The following KCNB2 variants were observed in gnomAD, a reference collection of about 807,000 sequenced individuals.
KCNB2 encodes the protein potassium voltage-gated channel subfamily B member 2.
Under a neutral mutation model 61.5 loss-of-function variants are expected in KCNB2, and 15 were observed. That is an observed-to-expected ratio of 0.24 (90% CI 0.16 to 0.38). KCNB2 has a LOEUF of 0.38. Ranked by LOEUF, KCNB2 falls within the 10% of genes least tolerant of loss-of-function variation. The pLI is 1.00. For missense variants in KCNB2, 828 were observed against 1,125.2 expected (o/e 0.74, Z 3.78); for synonymous variants, 457 against 446.0 (o/e 1.02, Z -0.31).
intron 2 of KCNB2, among the ~76,000 whole-genome samples, chr8:72,909,006 G>A (rs1304691811): frequency 6.6e-6 from 1 of 152,198 alleles, no homozygotes; most frequent in African/African-American, 2.4e-5. Flanking sequence ...AATTCCAGGT[G>A]TAGTCAGACA....
chr8:72,561,746 T>TAC lies in KCNB2; in HGVS notation c.-93-5896_-93-5895insAC, dbSNP rs1491561524. ...ATATATATCTATATCTATATATATA[T>TAC]GTATATATATATATGGATATATATA... is the stretch of plus-strand genomic sequence containing the variant. On this transcript the variant is annotated intron_variant, in intron 1 of 2. Coordinates refer to ENST00000523207, the MANE Select transcript of KCNB2 (RefSeq NM_004770.3). 1.0e-3 allele frequency among the ~76,000 whole-genome samples: 38 copies of TAC among 37,266 alleles called. 3 individuals are homozygous for TAC. Among genetic ancestry groups the TAC allele is most frequent in the East Asian group, 5.2e-3 (10 of 1,918 alleles). 24.4% of individuals were successfully genotyped at this position (37,266 alleles called of 152,430 possible). A position where few individuals can be genotyped will look rare whatever the true frequency, so the allele number is the denominator to read the frequency against.
At chr8:72,614,208 T>C (rs1805582982) in intron 2 of KCNB2, among the ~76,000 whole-genome samples, 2 of 152,224 alleles carry the variant, frequency 1.3e-5, no homozygotes. Flanking sequence ...AATAGTTTTA[T>C]TAGATATTGA....
chr8:72,614,920 A>C (rs1379256864), intron 2 of KCNB2, among the ~76,000 whole-genome samples: 1 of 152,150 alleles, frequency 6.6e-6, no homozygotes, highest in Non-Finnish European at 1.5e-5. Flanking sequence ...TGAGGGACCA[A>C]AAATATCAAA....
At chr8:72,888,976 C>T (rs1283142391) in intron 2 of KCNB2, among the ~76,000 whole-genome samples, 1 of 152,166 alleles carries the variant, frequency 6.6e-6, no homozygotes, top group Non-Finnish European at 1.5e-5. Context: ...AACACTAACT[C>T]TGGGACTCGG....
intron 2 of KCNB2, among the ~76,000 whole-genome samples, chr8:72,857,179 T>G (rs969774719): frequency 2.0e-5 from 3 of 152,178 alleles, no homozygotes; most frequent in African/African-American, 4.8e-5. Flanking sequence ...TACATGAGCC[T>G]CTTGAGGGAG....
At chr8:72,726,764 A>AT (rs1417695920) in intron 2 of KCNB2, among the ~76,000 whole-genome samples, 1 of 152,056 alleles carries the variant, frequency 6.6e-6, no homozygotes, top group Non-Finnish European at 1.5e-5. Context: ...CAATTAAGAG[A>AT]TTTTTTTGTT....
In KCNB2 at chr8:72,769,075, G is replaced by A. The variant is rs1808517328; in HGVS notation, c.580-166860G>A. 2.6e-5 allele frequency among the ~76,000 whole-genome samples: 4 copies of A among 152,074 alleles called. No homozygotes were observed. In the South Asian group the frequency reaches 8.3e-4, roughly 32 times the overall value. On this transcript the variant is annotated intron_variant, in intron 2 of 2. Coordinates refer to ENST00000523207, the MANE Select transcript of KCNB2 (RefSeq NM_004770.3). ...CTCGGGAGGCTGAGGCAGGAGAATTGCTTGAACCCAGGAGGCGGAGGTTGC... is the reference window on the plus strand; with the variant it reads ...CTCGGGAGGCTGAGGCAGGAGAATTACTTGAACCCAGGAGGCGGAGGTTGC...
At chr8:72,687,976 G>A (rs1177672060) in intron 2 of KCNB2, among the ~76,000 whole-genome samples, 1 of 152,156 alleles carries the variant, frequency 6.6e-6, no homozygotes, top group Non-Finnish European at 1.5e-5. Context: ...CAGAGTCTGT[G>A]AGACAAAGTG....
At chr8:72,928,219 GTCT>G (rs1287167300) in intron 2 of KCNB2, among the ~76,000 whole-genome samples, 3 of 143,320 alleles carry the variant, frequency 2.1e-5, no homozygotes, top group South Asian at 4.3e-4. Context: ...TTGAGACAGA[GTCT>G]TCTTCTGTCA....
At chr8:72,890,264 A>G (rs114546884) in intron 2 of KCNB2, among the ~76,000 whole-genome samples, 15 of 152,308 alleles carry the variant, frequency 9.8e-5, no homozygotes, top group Non-Finnish European at 2.1e-4. Flanking sequence ...TACAAAGATG[A>G]AAAGACATGC....
At chr8:72,821,929 T>C (rs914567616) in intron 2 of KCNB2, among the ~76,000 whole-genome samples, 40 of 152,252 alleles carry the variant, frequency 2.6e-4, no homozygotes, top group African/African-American at 9.4e-4. Flanking sequence ...ACACATCCAG[T>C]CAGTTACCAA....
chr8:72,586,711 G>T (rs902281806), intron 2 of KCNB2, among the ~76,000 whole-genome samples: 1 of 152,172 alleles, frequency 6.6e-6, no homozygotes, highest in Non-Finnish European at 1.5e-5. Flanking sequence ...AAAACCAGGG[G>T]CATTTTCAAC....
chr8:72,662,768 G>T (rs1261931910), intron 2 of KCNB2, among the ~76,000 whole-genome samples: 2 of 152,146 alleles, frequency 1.3e-5, no homozygotes, highest in African/African-American at 4.8e-5. Flanking sequence ...GGACAGGAGG[G>T]CTAATGGAAG....
intron 2 of KCNB2, among the ~76,000 whole-genome samples, chr8:72,896,394 A>G (rs1805989379): frequency 6.6e-6 from 1 of 152,270 alleles, no homozygotes; most frequent in East Asian, 1.9e-4. Flanking sequence ...CTATGAGCAC[A>G]GTATCTTTCA....
chr8:72,610,090 G>T (rs1051496929), intron 2 of KCNB2, among the ~76,000 whole-genome samples: 1 of 151,908 alleles, frequency 6.6e-6, no homozygotes, highest in African/African-American at 2.4e-5. Context: ...CTGACCACAG[G>T]GTTGGGATAA....
intron 2 of KCNB2, among the ~76,000 whole-genome samples, chr8:72,775,014 A>C (rs1420052237): frequency 2.6e-5 from 4 of 152,174 alleles, no homozygotes; most frequent in Admixed American, 2.6e-4. Context: ...GATGTGAGAG[A>C]GGTGTCAAGG....
intron 2 of KCNB2, among the ~76,000 whole-genome samples, chr8:72,625,005 A>G (rs1393003123): frequency 6.6e-6 from 1 of 152,226 alleles, no homozygotes; most frequent in Non-Finnish European, 1.5e-5. Flanking sequence ...ACTGAATTCC[A>G]CCAACAAAAG....
At chr8:72,623,199 G>T (rs899213423) in intron 2 of KCNB2, among the ~76,000 whole-genome samples, 1 of 152,112 alleles carries the variant, frequency 6.6e-6, no homozygotes, top group Admixed American at 6.5e-5. Context: ...GTATTGATTG[G>T]GTGAAAGTTA....
chr8:72,789,456 T>A (rs1342020738), intron 2 of KCNB2, among the ~76,000 whole-genome samples: 1 of 152,126 alleles, frequency 6.6e-6, no homozygotes, highest in Non-Finnish European at 1.5e-5. Flanking sequence ...ATGGAAGATC[T>A]AACAGAAGAC....
Sources: gnomAD v4.1 joint callset for allele counts (sites outside exome capture counted in the v4.1 genomes callset) on GRCh38, gnomAD v4.1.1 for gene constraint, MANE v1.5 for transcripts, NCBI Gene and HGNC (gene_info 2026-07-23, HGNC 2026-07-21) for gene names.